OSBPL8: variants seen among roughly 807,000 people sequenced by gnomAD.
OSBPL8 encodes oxysterol-binding protein-related protein 8.
In OSBPL8, 59 loss-of-function variants were observed where a neutral mutation model predicts 125.5. The observed-to-expected ratio is 0.47, with a 90% CI of 0.38 to 0.58. OSBPL8 has a LOEUF of 0.58. Ranked by LOEUF, OSBPL8 falls within the 20% of genes least tolerant of loss-of-function variation. OSBPL8 has a pLI of 0.00. For missense variants in OSBPL8, 758 were observed against 1,047.8 expected (o/e 0.72, Z 3.82); for synonymous variants, 330 against 338.9 (o/e 0.97, Z 0.29).
At chr12:76,492,438 A>G (rs1023379752) in intron 1 of OSBPL8, among the ~76,000 whole-genome samples, 5 of 152,160 alleles carry the variant, frequency 3.3e-5, no homozygotes, top group Non-Finnish European at 7.4e-5. Context: ...GGTGTTTCCA[A>G]TGCATGGGCC....
At chr12:76,550,202 T>C (rs537744599) in intron 1 of OSBPL8, among the ~76,000 whole-genome samples, 1 of 152,334 alleles carries the variant, frequency 6.6e-6, no homozygotes, top group South Asian at 2.1e-4. Flanking sequence ...AAAAACTTTT[T>C]TAATTCCAAA....
Position 76,384,170 on chromosome 12 carries a change from T to A in OSBPL8, c.1630+84A>T, listed in dbSNP as rs1265276583. 1.2e-5 allele frequency: 8 copies of A among 658,942 alleles called. No homozygotes were observed. The East Asian group carries it at 2.3e-4, about 19-fold the overall frequency. 40.8% of individuals were successfully genotyped at this position (658,942 alleles called of 1,614,324 possible). A position where few individuals can be genotyped will look rare whatever the true frequency, so the allele number is the denominator to read the frequency against. On this transcript the variant is annotated intron_variant, in intron 15 of 23. Coordinates refer to ENST00000261183, the MANE Select transcript of OSBPL8 (RefSeq NM_020841.5). Reference sequence around the variant, plus strand: ...AAAATGACAAACTCCTTGTTGAAAATAGCCCATGACACTGCCTAAATAAAA... The same window carrying A: ...AAAATGACAAACTCCTTGTTGAAAAAAGCCCATGACACTGCCTAAATAAAA...
chr12:76,498,322 A>G (rs1040608271), intron 1 of OSBPL8, among the ~76,000 whole-genome samples: 2 of 152,358 alleles, frequency 1.3e-5, no homozygotes, highest in South Asian at 4.1e-4. Flanking sequence ...ATATTTTAAA[A>G]AATCAAAAAC....
chr12:76,356,162 T>TGGGGGGGGGTTGGTGGGGGG, intron 23 of OSBPL8, 141 bp from the exon 24 acceptor site: 1 of 131,274 alleles, frequency 7.6e-6, no homozygotes, highest in Non-Finnish European at 1.6e-5. Context: ...TATGTAGGGG[T>TGGGGGGGGGTTGGTGGGGGG]GGGGGGGGGC....
At chr12:76,412,701 T>C (rs1000261393) in intron 4 of OSBPL8, among the ~76,000 whole-genome samples, 1 of 152,108 alleles carries the variant, frequency 6.6e-6, no homozygotes, top group Non-Finnish European at 1.5e-5. Flanking sequence ...TTTAAAACAA[T>C]GCCACACACA....
chr12:76,554,373 T>C (rs1243397098), intron 1 of OSBPL8, among the ~76,000 whole-genome samples: 6 of 152,174 alleles, frequency 3.9e-5, no homozygotes, highest in Non-Finnish European at 8.8e-5. Flanking sequence ...AAATAAATTA[T>C]ACAAGGCAGT....
At chr12:76,508,779 A>T (rs935436901) in intron 1 of OSBPL8, among the ~76,000 whole-genome samples, 30 of 152,232 alleles carry the variant, frequency 2.0e-4, no homozygotes, top group African/African-American at 7.2e-4. Flanking sequence ...ATGCCACGGC[A>T]ACATCAGCAA....
chr12:76,364,889 C>T (rs1172684266), intron 21 of OSBPL8, among the ~76,000 whole-genome samples: 2 of 152,026 alleles, frequency 1.3e-5, no homozygotes, highest in Admixed American at 6.6e-5. Context: ...TCTGCTTTCC[C>T]ATTTTTGCAA....
chr12:76,534,224 A>G (rs997046716), intron 1 of OSBPL8: 2 of 152,240 alleles, frequency 1.3e-5, no homozygotes, highest in Admixed American at 6.5e-5. Flanking sequence ...GGCAACTGCC[A>G]TTACAGTACC....
chr12:76,490,496 G>A (rs1427336576), intron 1 of OSBPL8, among the ~76,000 whole-genome samples: 3 of 152,202 alleles, frequency 2.0e-5, no homozygotes, highest in African/African-American at 7.2e-5. Context: ...GAGCCTGATG[G>A]CGTAACTTCA....
At chr12:76,541,987 C>A (rs934249283) in intron 1 of OSBPL8, among the ~76,000 whole-genome samples, 3 of 152,144 alleles carry the variant, frequency 2.0e-5, no homozygotes, top group African/African-American at 7.2e-5. Flanking sequence ...ACCTGGCCAA[C>A]CTGGAGAAAC....
intron 1 of OSBPL8, among the ~76,000 whole-genome samples, chr12:76,526,314 T>C (rs1178307570): frequency 6.6e-6 from 1 of 152,178 alleles, no homozygotes; most frequent in African/African-American, 2.4e-5. Context: ...CACAAAAGTA[T>C]TAATTGAACG....
intron 1 of OSBPL8, among the ~76,000 whole-genome samples, chr12:76,529,656 A>T (rs1167677034): frequency 6.6e-6 from 1 of 152,238 alleles, no homozygotes; most frequent in Non-Finnish European, 1.5e-5. Flanking sequence ...GTGGGGGAAG[A>T]AGACTCGAGA....
rs1951856999 is a variant in OSBPL8, at chr12:76,352,388, TAACAAAAATA to T, written c.*3491_*3500del. On this transcript the variant is annotated 3_prime_UTR_variant, in exon 24 of 24. Coordinates refer to ENST00000261183, the MANE Select transcript of OSBPL8 (RefSeq NM_020841.5). ...CAACAGTCCATCTTCAATTAAAAAC[TAACAAAAATA>T]AACAGTATGTAAAGAGTAACAAAAA... 1 of 152,392 alleles carries T rather than the reference TAACAAAAATA, an allele frequency of 6.6e-6. No homozygotes were observed. The highest frequency in any genetic ancestry group is 2.1e-4 in the South Asian group (1 of 4,814). 9.4% of individuals were successfully genotyped at this position (152,392 alleles called of 1,614,324 possible).
chr12:76,465,980 C>A (rs1875378682), intron 2 of OSBPL8, among the ~76,000 whole-genome samples: 1 of 150,508 alleles, frequency 6.6e-6, no homozygotes, highest in Non-Finnish European at 1.5e-5. Context: ...CACTACTGGG[C>A]AAAAGAGCAA....
chr12:76,381,127 A>G lies in OSBPL8; in HGVS notation c.1631-2577T>C, dbSNP rs183075554. Among the ~76,000 whole-genome samples the G allele has an allele frequency of 4.6e-5, 7 of 152,192 alleles. No individual in the cohort carries two copies. In the East Asian group the frequency reaches 1.4e-3, roughly 29 times the overall value. On this transcript the variant is annotated intron_variant, in intron 15 of 23. Coordinates refer to ENST00000261183, the MANE Select transcript of OSBPL8 (RefSeq NM_020841.5). ...ATGATACCTTTATTTATATGTCCAT[A>G]TATTATTCTCCCTATCTGTTGATTT...
intron 4 of OSBPL8, among the ~76,000 whole-genome samples, chr12:76,441,531 C>CTTTTACCA (rs1313883945): frequency 6.6e-6 from 1 of 152,188 alleles, no homozygotes; most frequent in African/African-American, 2.4e-5. Flanking sequence ...ACAGATAAAA[C>CTTTTACCA]TTTTACCACT....
intron 4 of OSBPL8, among the ~76,000 whole-genome samples, chr12:76,423,598 T>G (rs986501846): frequency 8.5e-5 from 13 of 152,180 alleles, no homozygotes; most frequent in Non-Finnish European, 1.8e-4. Context: ...CAGTATTGAC[T>G]CCACGTCATT....
At chr12:76,549,479 C>T (rs1003989167) in intron 1 of OSBPL8, among the ~76,000 whole-genome samples, 8 of 152,094 alleles carry the variant, frequency 5.3e-5, no homozygotes, top group African/African-American at 1.7e-4. Context: ...AGTTTGATCT[C>T]GGCTCACTGC....
Sources: allele counts gnomAD v4.1 joint callset (sites outside exome capture counted in the v4.1 genomes callset), GRCh38; gene constraint gnomAD v4.1.1; transcripts MANE v1.5; gene names NCBI Gene and HGNC (gene_info 2026-07-23, HGNC 2026-07-21).